NRXN3: variants seen among roughly 807,000 people sequenced by gnomAD.
NRXN3 encodes the protein neurexin 3.
Under a neutral mutation model 137.6 loss-of-function variants are expected in NRXN3, and 32 were observed. The ratio of observed to expected loss-of-function variants is 0.23; its 90% confidence interval spans 0.18 to 0.31. The LOEUF is 0.31. Among genes scored for constraint, NRXN3 ranks in the 10% least tolerant of loss-of-function variants. The probability of loss-of-function intolerance (pLI) is 1.00; values close to 1 mark genes in which losing one functional copy is unlikely to be tolerated. For missense variants in NRXN3, 1,574 were observed against 2,062.5 expected, an observed-to-expected ratio of 0.76 and a Z score of 4.59; for synonymous variants, 798 against 784.5, an observed-to-expected ratio of 1.02 and a Z score of -0.29.
At chr14:78,704,794 G>T (rs2098328952) in intron 6 of NRXN3, among the ~76,000 whole-genome samples, 1 of 152,144 alleles carries the variant, frequency 6.6e-6, no homozygotes, top group Non-Finnish European at 1.5e-5. Flanking sequence ...TATTTCATTT[G>T]CTTATTGTGT....
intron 16 of NRXN3, among the ~76,000 whole-genome samples, chr14:79,653,735 G>T (rs2098489163): frequency 6.6e-6 from 1 of 152,088 alleles, no homozygotes; most frequent in East Asian, 1.9e-4. Flanking sequence ...TGTTCTATTT[G>T]CCAAATAATA....
chr14:79,259,675 A>G lies in NRXN3; in HGVS notation c.3263-207546A>G, dbSNP rs1597974102. On this transcript the variant is annotated intron_variant, in intron 15 of 20. Transcript: ENST00000335750. The stretch of plus-strand genomic sequence containing the variant: ...TATATAGCTATATAGTTATCTATAG[A>G]TAGCTATATATATAGTTTATATATA... Among the ~76,000 whole-genome samples, 5 of 145,746 alleles carry G rather than the reference A, an allele frequency of 3.4e-5. No individual in the cohort carries two copies. The South Asian group carries it at 8.6e-4, about 25-fold the overall frequency.
chr14:78,768,760 G>A (rs553974557), intron 8 of NRXN3, among the ~76,000 whole-genome samples: 26 of 152,206 alleles, frequency 1.7e-4, no homozygotes, highest in African/African-American at 6.0e-4. Flanking sequence ...GAGTTTGGAC[G>A]CTAAAATGCC....
chr14:78,238,571 G>A (rs545482241), intron 1 of NRXN3, among the ~76,000 whole-genome samples: 1 of 152,344 alleles, frequency 6.6e-6, no homozygotes, highest in East Asian at 1.9e-4. Context: ...CTAGCTTTTG[G>A]CCATTTTGGC....
chr14:78,588,269 T>C (rs1395633436), intron 4 of NRXN3, among the ~76,000 whole-genome samples: 1 of 152,248 alleles, frequency 6.6e-6, no homozygotes, highest in African/African-American at 2.4e-5. Context: ...TCAATCATTC[T>C]CCTGAATGTT....
chr14:78,678,994 G>T (rs982323886), intron 6 of NRXN3, among the ~76,000 whole-genome samples: 10 of 152,226 alleles, frequency 6.6e-5, no homozygotes, highest in Middle Eastern at 3.4e-3. Flanking sequence ...TTTCAAAAAT[G>T]TCAGGATAGA....
At chr14:79,271,678 G>T (rs2079352934) in intron 15 of NRXN3, among the ~76,000 whole-genome samples, 1 of 151,676 alleles carries the variant, frequency 6.6e-6, no homozygotes, top group South Asian at 2.1e-4. Flanking sequence ...CCCTTTTGGA[G>T]CTCTTTGGGC....
At chr14:79,561,813 A>G (rs1043069881) in intron 16 of NRXN3, among the ~76,000 whole-genome samples, 12 of 152,174 alleles carry the variant, frequency 7.9e-5, no homozygotes, top group African/African-American at 2.7e-4. Context: ...AAAGAAAAGA[A>G]AAAAAGCTCC....
chr14:78,227,819 G>A (rs975776043), intron 1 of NRXN3, among the ~76,000 whole-genome samples: 1 of 152,222 alleles, frequency 6.6e-6, no homozygotes. Context: ...ACGTCATAGA[G>A]TTTAAGCCTT....
chr14:79,575,175 C>G (rs2097652790), intron 16 of NRXN3, among the ~76,000 whole-genome samples: 1 of 152,152 alleles, frequency 6.6e-6, no homozygotes, highest in Non-Finnish European at 1.5e-5. Flanking sequence ...CACCATCAAT[C>G]ATAGTCATCA....
intron 8 of NRXN3, among the ~76,000 whole-genome samples, chr14:78,749,642 G>T (rs947759700): frequency 6.6e-6 from 1 of 152,196 alleles, no homozygotes; most frequent in African/African-American, 2.4e-5. Context: ...TAATCTCAGT[G>T]TGCATGTATC....
intron 4 of NRXN3, among the ~76,000 whole-genome samples, chr14:78,452,185 C>T (rs747097235): frequency 2.0e-5 from 3 of 152,098 alleles, no homozygotes; most frequent in South Asian, 2.1e-4. Flanking sequence ...GCATATTGGC[C>T]AAGAGCAAAG....
At chr14:79,637,765 T>C (rs987764509) in intron 16 of NRXN3, among the ~76,000 whole-genome samples, 5 of 135,050 alleles carry the variant, frequency 3.7e-5, no homozygotes, top group African/African-American at 6.6e-5. Flanking sequence ...AGTCTTGCTC[T>C]AGCACACAGG....
intron 20 of NRXN3, among the ~76,000 whole-genome samples, chr14:79,859,608 C>A (rs568470804): frequency 2.0e-5 from 3 of 152,316 alleles, no homozygotes; most frequent in African/African-American, 7.2e-5. Flanking sequence ...ACTGAATCAC[C>A]TCCTTGTCTG....
At chr14:79,586,068 A>G (rs1410445199) in intron 16 of NRXN3, among the ~76,000 whole-genome samples, 1 of 152,206 alleles carries the variant, frequency 6.6e-6, no homozygotes, top group Non-Finnish European at 1.5e-5. Context: ...TTGACTTTTC[A>G]GTTTTCTTTT....
chr14:78,705,791 A>G (rs1241044529), intron 6 of NRXN3, among the ~76,000 whole-genome samples: 4 of 152,174 alleles, frequency 2.6e-5, no homozygotes, highest in Non-Finnish European at 2.9e-5. Flanking sequence ...TTTATTCACA[A>G]CAGTGAAAAC....
intron 16 of NRXN3, among the ~76,000 whole-genome samples, chr14:79,586,168 G>A (rs1234981913): frequency 6.6e-6 from 1 of 152,178 alleles, no homozygotes; most frequent in East Asian, 1.9e-4. Flanking sequence ...AAAGTACACT[G>A]CCAGCCAGGG....
At chr14:79,824,976 A>G (rs1246385876) in intron 20 of NRXN3, among the ~76,000 whole-genome samples, 2 of 152,242 alleles carry the variant, frequency 1.3e-5, no homozygotes, top group African/African-American at 2.4e-5. Flanking sequence ...TACCAATCCT[A>G]TAACCCAATT....
At chr14:78,876,628 G>T (rs1019100657) in intron 10 of NRXN3, among the ~76,000 whole-genome samples, 2 of 152,170 alleles carry the variant, frequency 1.3e-5, no homozygotes, top group Non-Finnish European at 2.9e-5. Flanking sequence ...GCTGTGAATT[G>T]TCTTCTTAAT....
Sources: allele counts gnomAD v4.1 joint callset (sites outside exome capture counted in the v4.1 genomes callset), GRCh38; gene constraint gnomAD v4.1.1; transcripts MANE v1.5; gene names NCBI Gene and HGNC (gene_info 2026-07-23, HGNC 2026-07-21).